ZMIZ1: variants seen among roughly 807,000 people sequenced by gnomAD.
ZMIZ1 encodes zinc finger MIZ-type containing 1, also known as zinc finger MIZ domain-containing protein 1.
ZMIZ1 carries 17 observed loss-of-function variants against 113.9 expected under a neutral mutation model. The ratio of observed to expected loss-of-function variants is 0.15; its 90% confidence interval spans 0.10 to 0.22. ZMIZ1 has a LOEUF of 0.22. Ranked by LOEUF, ZMIZ1 falls within the 10% of genes least tolerant of loss-of-function variation. The pLI, the probability that ZMIZ1 is intolerant of heterozygous loss-of-function variation, is 1.00. For missense variants in ZMIZ1, 1,059 were observed against 1,477.8 expected (o/e 0.72, Z 4.65); for synonymous variants, 607 against 603.1 (o/e 1.01, Z -0.09).
chr10:79,224,983 C>T (rs2132752644), intron 7 of ZMIZ1, among the ~76,000 whole-genome samples: 1 of 152,330 alleles, frequency 6.6e-6, no homozygotes, highest in East Asian at 1.9e-4. Context: ...GAATGTGCCC[C>T]TTACCCACCT....
intron 2 of ZMIZ1, among the ~76,000 whole-genome samples, chr10:79,124,998 C>G (rs1168699992): frequency 6.6e-6 from 1 of 151,968 alleles, no homozygotes; most frequent in Non-Finnish European, 1.5e-5. Flanking sequence ...GAGGTGTGGT[C>G]CAGTCTAAGA....
chr10:79,138,656 G>A (rs572274583), intron 2 of ZMIZ1, among the ~76,000 whole-genome samples: 1 of 152,176 alleles, frequency 6.6e-6, no homozygotes, highest in African/African-American at 2.4e-5. Context: ...CAGCCAGCCC[G>A]CCCCTCCTCC....
intron 1 of ZMIZ1, among the ~76,000 whole-genome samples, chr10:79,093,177 T>C (rs61851354): frequency 0.023 from 1,496 of 65,698 alleles, 38 homozygotes; most frequent in African/African-American, 0.043. Flanking sequence ...CACACACACA[T>C]ATTCAGGGGA....
At chr10:79,110,267 A>G (rs749520393) in intron 1 of ZMIZ1, among the ~76,000 whole-genome samples, 52 of 152,228 alleles carry the variant, frequency 3.4e-4, no homozygotes, top group Non-Finnish European at 3.4e-4. Context: ...AGCTTAGCAC[A>G]GAGCTTGACA....
At chr10:79,268,018 C>T (rs1415401040) in intron 7 of ZMIZ1, among the ~76,000 whole-genome samples, 1 of 152,214 alleles carries the variant, frequency 6.6e-6, no homozygotes, top group East Asian at 1.9e-4. Flanking sequence ...CCAGGCTTCC[C>T]CGGTCCCAGG....
At chr10:79,188,806 T>C (rs1847467594) in intron 4 of ZMIZ1, among the ~76,000 whole-genome samples, 1 of 152,160 alleles carries the variant, frequency 6.6e-6, no homozygotes, top group Non-Finnish European at 1.5e-5. Flanking sequence ...AAAAAAGCAT[T>C]TTTGCCATCC....
intron 4 of ZMIZ1, among the ~76,000 whole-genome samples, chr10:79,184,333 G>A (rs1188950735): frequency 6.6e-6 from 1 of 152,216 alleles, no homozygotes; most frequent in Admixed American, 6.5e-5. Context: ...CTGTGAGCGT[G>A]AGAATAGGCC....
At chr10:79,173,655 T>TATCCTGTAG (rs1201667639) in intron 4 of ZMIZ1, among the ~76,000 whole-genome samples, 2 of 152,242 alleles carry the variant, frequency 1.3e-5, no homozygotes, top group Non-Finnish European at 2.9e-5. Context: ...ATCACTATGT[T>TATCCTGTAG]ATCCTGTAGA....
rs1346088676 is a variant in ZMIZ1 at position 79,314,176 on chromosome 10, TC to T, written c.*1429del. 3 of 457,058 alleles carry T rather than the reference TC, an allele frequency of 6.6e-6. No individual in the cohort carries two copies. In the Admixed American group the frequency reaches 7.0e-5, roughly 11 times the overall value. The allele number at this position is 457,058 out of a possible 1,614,324, so 28.3% of individuals were successfully genotyped here. A position where few individuals can be genotyped will look rare whatever the true frequency, so the allele number is the denominator to read the frequency against. On this transcript the variant is annotated 3_prime_UTR_variant, in exon 25 of 25. Coordinates refer to ENST00000334512, the MANE Select transcript of ZMIZ1 (RefSeq NM_020338.4). The stretch of plus-strand genomic sequence containing the variant: ...CTTTGCTCCATCTGGCTTACCACTC[TC>T]CAGGGCCTCCTGGGGAGCCTGTCCT...
intron 7 of ZMIZ1, among the ~76,000 whole-genome samples, chr10:79,221,920 C>A (rs1723810314): frequency 6.6e-6 from 1 of 152,274 alleles, no homozygotes; most frequent in Admixed American, 6.5e-5. Flanking sequence ...GGCCTCACAG[C>A]TGTGGGCTCC....
At chr10:79,158,259 GC>G (rs907663941) in intron 3 of ZMIZ1, among the ~76,000 whole-genome samples, 1 of 152,166 alleles carries the variant, frequency 6.6e-6, no homozygotes, top group African/African-American at 2.4e-5. Flanking sequence ...GGTGATGGAA[GC>G]CCTGAACTCC....
Position 79,277,283 on chromosome 10 carries a change from C to T in ZMIZ1, c.383C>T (p.Pro128Leu), listed in dbSNP as rs746188916. ...DPPGKLPMQP[P>L]LSSMSSMKPT... ...CCTGGGAAACTCCCCATGCAGCCCC[C>T]TCTCAGCTCCATGAGCTCCATGAAA... The change falls in exon 8 of 25, where the codon CCT becomes CTT. Residue 128 changes from proline (P) to leucine (L), a missense_variant. By Grantham distance (98) the Pro-to-Leu change is moderately conservative. Around this residue, in one of 6 missense-constraint regions of ZMIZ1, gnomAD observed 272 missense variants for 350.4 expected, o/e 0.78. Transcript: ENST00000334512. 3.1e-6 allele frequency: 5 copies of T among 1,601,962 alleles called. No homozygotes were observed. The highest frequency in any genetic ancestry group is 8.5e-7 in the Non-Finnish European group (1 of 1,174,948).
chr10:79,202,877 G>A (rs1848160177), intron 5 of ZMIZ1, among the ~76,000 whole-genome samples: 1 of 152,244 alleles, frequency 6.6e-6, no homozygotes, highest in Non-Finnish European at 1.5e-5. Flanking sequence ...TTCCTTTATG[G>A]ACCCATGGTG....
chr10:79,155,992 G>A (rs888395588), intron 3 of ZMIZ1, among the ~76,000 whole-genome samples: 1 of 152,158 alleles, frequency 6.6e-6, no homozygotes, highest in Non-Finnish European at 1.5e-5. Flanking sequence ...CTTCCCCACT[G>A]GTGTCACACA....
intron 7 of ZMIZ1, among the ~76,000 whole-genome samples, chr10:79,250,912 G>T (rs1282076330): frequency 6.6e-6 from 1 of 152,182 alleles, no homozygotes; most frequent in Admixed American, 6.5e-5. Context: ...TGTCCTTGGT[G>T]TCGGGATGGG....
intron 2 of ZMIZ1, among the ~76,000 whole-genome samples, chr10:79,120,761 T>C (rs1054719676): frequency 1.7e-4 from 26 of 152,160 alleles, no homozygotes; most frequent in Non-Finnish European, 1.3e-4. Context: ...ACAGGTAAAG[T>C]GGGGATGTGG....
rs1379539029 is a variant in ZMIZ1, at chr10:79,302,885, G to A, written c.2125+673G>A. ...AGTTTTTTTTTTTTTTTTTTGAGAC[G>A]GAGTCTTGCTCTGTCGTCCAGGCTG... is the stretch of plus-strand genomic sequence containing the variant. On this transcript the variant is annotated intron_variant, in intron 18 of 24. Transcript: ENST00000334512. Among the ~76,000 whole-genome samples, 23 of 127,038 alleles carry A rather than the reference G, an allele frequency of 1.8e-4. No homozygotes were observed. In the East Asian group the frequency reaches 2.4e-3, roughly 13 times the overall value. The allele number at this position is 127,038 out of a possible 152,430, so 83.3% of individuals were successfully genotyped here. A position where few individuals can be genotyped will look rare whatever the true frequency, so the allele number is the denominator to read the frequency against.
intron 1 of ZMIZ1, among the ~76,000 whole-genome samples, chr10:79,094,006 G>T (rs773071636): frequency 1.3e-5 from 2 of 152,190 alleles, no homozygotes; most frequent in Non-Finnish European, 2.9e-5. Flanking sequence ...GTGAGCACTG[G>T]GTGGATTTAT....
intron 7 of ZMIZ1, among the ~76,000 whole-genome samples, chr10:79,253,994 A>G (rs1017251193): frequency 1.3e-5 from 2 of 152,214 alleles, no homozygotes; most frequent in Non-Finnish European, 2.9e-5. Context: ...ATTGTAGCTT[A>G]AATTTTTATT....
Sources: allele counts gnomAD v4.1 joint callset (sites outside exome capture counted in the v4.1 genomes callset), GRCh38; gene constraint gnomAD v4.1.1; regional missense constraint gnomAD v4.1.1; transcripts MANE v1.5; gene names NCBI Gene and HGNC (gene_info 2026-07-23, HGNC 2026-07-21).